MAG: variants seen among roughly 807,000 people sequenced by gnomAD.
MAG encodes the protein myelin-associated glycoprotein.
In MAG, 30 loss-of-function variants were observed where a neutral mutation model predicts 60.7. The ratio of observed to expected loss-of-function variants is 0.49; its 90% CI spans 0.37 to 0.67. MAG has a LOEUF of 0.67. Ranked by LOEUF, MAG falls within the 30% of genes least tolerant of loss-of-function variation. The pLI is 0.00. For synonymous variants in MAG, 384 were observed against 376.8 expected, an observed-to-expected ratio of 1.02 and a Z score of -0.22; for missense variants, 795 against 851.7, an observed-to-expected ratio of 0.93 and a Z score of 0.83.
chr19:35,309,807 A>G, intron 7 of MAG, 67 bp from the exon 8 acceptor site: 9 of 1,548,256 alleles, frequency 5.8e-6, no homozygotes, highest in Non-Finnish European at 7.9e-6. Context: ...CCTTGAGCCA[A>G]GGAGTCTCCG....
At chr19:35,296,056 C>G in intron 4 of MAG, 75 bp downstream of exon 4, 1 of 1,500,734 alleles carries the variant, frequency 6.7e-7, no homozygotes, top group Non-Finnish European at 8.9e-7. Context: ...GGAAGGCCTC[C>G]CCGCACCTTC....
chr19:35,292,253 G>T (rs1184439030), intron 1 of MAG, 49 bp downstream of exon 1: 1 of 456,114 alleles, frequency 2.2e-6, no homozygotes, highest in East Asian at 6.9e-5. Flanking sequence ...GGGCACCGGG[G>T]CAGTGGCACC....
At chr19:35,301,752 G>C (rs1338575892) in intron 6 of MAG, among the ~76,000 whole-genome samples, 6 of 152,048 alleles carry the variant, frequency 3.9e-5, no homozygotes, top group Non-Finnish European at 7.4e-5. Context: ...TTTTAGTAGA[G>C]ACAGGGTTTC....
intron 7 of MAG, among the ~76,000 whole-genome samples, chr19:35,308,407 C>A (rs1599657249): frequency 6.6e-6 from 1 of 152,294 alleles, no homozygotes; most frequent in Middle Eastern, 3.4e-3. Flanking sequence ...TGTGGTCAGG[C>A]AGGGCCTGAG....
At chr19:35,303,333 C>T (rs2066462532) in intron 7 of MAG, among the ~76,000 whole-genome samples, 1 of 152,164 alleles carries the variant, frequency 6.6e-6, no homozygotes, top group Non-Finnish European at 1.5e-5. Flanking sequence ...TCGCTATGTA[C>T]CAGGCACTGT....
chr19:35,299,579 A>C lies in MAG; in HGVS notation c.441A>C (p.Pro147=). 2 of 1,601,000 alleles carry C rather than the reference A, an allele frequency of 1.2e-6. No individual in the cohort carries two copies. Among genetic ancestry groups the C allele is most frequent in the Non-Finnish European group, 1.7e-6 (2 of 1,170,964 alleles). ...ACACCCCCAACATCGTGGTGCCCCC[A>C]GAGGTGGTGGCAGGCACGGAGGTGG... ...IVNTPNIVVP[P]EVVAGTEVEV... Residue 147 remains proline (P), a synonymous_variant, in exon 5 of 11, where the codon CCA becomes CCC. Transcript: ENST00000392213.
chr19:35,297,575 G>C (rs556172668), intron 4 of MAG, among the ~76,000 whole-genome samples: 4 of 80,286 alleles, frequency 5.0e-5, no homozygotes, highest in African/African-American at 1.5e-4. Context: ...TACTACCCAC[G>C]TACCACACAC....
rs560337077 is a variant in MAG, at chr19:35,311,455, C to A, written c.1617-463C>A. 9.2e-5 allele frequency among the ~76,000 whole-genome samples: 14 copies of A among 152,188 alleles called. 1 individual carries two copies. The South Asian group carries it at 2.9e-3, about 32-fold the overall frequency. On this transcript the variant is annotated intron_variant, in intron 9 of 10. Coordinates refer to ENST00000392213, the MANE Select transcript of MAG (RefSeq NM_002361.4). ...CTCCAGCCTAGGTGACAAAGAGAGACCCTGTCTCTAAAAACAAACAAACAG... is the reference window on the plus strand; with the variant it reads ...CTCCAGCCTAGGTGACAAAGAGAGAACCTGTCTCTAAAAACAAACAAACAG...
intron 7 of MAG, among the ~76,000 whole-genome samples, chr19:35,303,173 C>T (rs2066461316): frequency 6.6e-6 from 1 of 152,222 alleles, no homozygotes; most frequent in African/African-American, 2.4e-5. Flanking sequence ...ATCTGCCTGC[C>T]TCAGTCTCCC....
intron 7 of MAG, among the ~76,000 whole-genome samples, chr19:35,308,453 G>A (rs1457314360): frequency 6.6e-6 from 1 of 152,216 alleles, no homozygotes; most frequent in Non-Finnish European, 1.5e-5. Flanking sequence ...ATTTTGGGCT[G>A]GGCACAGTGG....
Position 35,295,721 on chromosome 19 carries a change from C to T in MAG, c.155C>T (p.Pro52Leu), listed in dbSNP as rs2066391895. The T allele has an allele frequency of 6.2e-7, 1 of 1,613,720 alleles. No homozygotes were observed. Among genetic ancestry groups the T allele is most frequent in the Non-Finnish European group, 8.5e-7 (1 of 1,180,026 alleles). ...TTTGACTTCCCGGATGAGCTGCGGC[C>T]CGCTGTGGTGCATGGTGTCTGGTAC... ...CRFDFPDELR[P>L]AVVHGVWYFN... Residue 52 changes from proline to leucine, a missense_variant, in exon 4 of 11, where the codon CCC (proline) becomes CTC (leucine). Coordinates refer to ENST00000392213, the MANE Select transcript of MAG (RefSeq NM_002361.4). The surrounding 1 kb of genome is among the most constrained non-coding windows in gnomAD (Gnocchi z 5.8).
intron 9 of MAG, 97 bp downstream of exon 9, chr19:35,310,740 A>G (rs543427177): frequency 4.0e-6 from 4 of 996,806 alleles, no homozygotes; most frequent in African/African-American, 1.6e-5. Flanking sequence ...AGGCAGCACC[A>G]TAAGTGTAGA....
rs34074779 is a variant in MAG, at chr19:35,302,642, G to A, written c.1165G>A (p.Glu389Lys). 6.2e-7 allele frequency: 1 copy of A among 1,614,194 alleles called. No homozygotes were observed. The change falls in exon 7 of 11, where the codon GAG becomes AAG. Residue 389 changes from glutamate (E) to lysine (K), a missense_variant. By Grantham distance (56) the Glu-to-Lys change is moderately conservative. Coordinates refer to ENST00000392213, the MANE Select transcript of MAG (RefSeq NM_002361.4). ...LPAVSPEDDG[E>K]YWCVAENQYG... Reference sequence around the variant, plus strand: ...GGCCGTGTCACCCGAGGATGATGGAGAGTACTGGTGTGTGGCTGAGAACCA... The same window carrying A: ...GGCCGTGTCACCCGAGGATGATGGAAAGTACTGGTGTGTGGCTGAGAACCA...
chr19:35,310,722 G>T, intron 9 of MAG, 79 bp downstream of exon 9: 1 of 1,249,816 alleles, frequency 8.0e-7, no homozygotes, highest in South Asian at 1.2e-5. Context: ...CCCAGAGTGG[G>T]TGGGGGAAGG....
At chr19:35,312,112 G>T (rs1349311223) in intron 10 of MAG, 95 bp downstream of exon 10, 10 of 1,332,640 alleles carry the variant, frequency 7.5e-6, no homozygotes, top group Non-Finnish European at 1.1e-5. Flanking sequence ...AGGGGAGTGG[G>T]AGCGGCCTCT....
chr19:35,310,759 AT>A, intron 9 of MAG, 116 bp downstream of exon 9: 1 of 847,040 alleles, frequency 1.2e-6, no homozygotes, highest in East Asian at 2.6e-5. Context: ...GAGAAGGCAG[AT>A]TCTGTTCTGG....
rs78787835 is a variant in MAG, at chr19:35,310,190, C to T, written c.1519+29C>T. 587 of 1,585,890 alleles carry T rather than the reference C, an allele frequency of 3.7e-4. 10 individuals are homozygous for T. In the East Asian group the frequency reaches 0.012, roughly 33 times the overall value. Reference sequence around the variant, plus strand: ...AGTGGCGTGGACTTGGGGTGGGAGCCACAGGAGGGAGCGGGCACGTCTTAG... The same window carrying T: ...AGTGGCGTGGACTTGGGGTGGGAGCTACAGGAGGGAGCGGGCACGTCTTAG... On this transcript the variant is annotated intron_variant, in intron 8 of 10. Transcript: ENST00000392213.
chr19:35,295,881 C>T lies in MAG; in HGVS notation c.315C>T (p.Ser105=), dbSNP rs1371891450. 1.2e-6 allele frequency: 2 copies of T among 1,614,074 alleles called. No individual in the cohort carries two copies. Among genetic ancestry groups the T allele is most frequent in the Admixed American group, 3.3e-5 (2 of 60,022 alleles). ...LGLRNCTLLL[S]NVSPELGGKY... ...TGCGAAACTGCACCCTCCTGCTCAG[C>T]AACGTCAGCCCCGAGCTGGGCGGGA... The change falls in exon 4 of 11, where the codon AGC becomes AGT. Residue 105 remains serine (S), a synonymous_variant. Coordinates refer to ENST00000392213, the MANE Select transcript of MAG (RefSeq NM_002361.4). This position sits in a 1 kb window ranked among gnomAD's most constrained non-coding sequence, Gnocchi z 5.8.
rs1180740954 is a variant in MAG at position 35,313,441 on chromosome 19, TC to T, written c.1870del (p.Arg624GlyfsTer13). 1.9e-6 allele frequency: 3 copies of T among 1,612,308 alleles called. No homozygotes were observed. The highest frequency in any genetic ancestry group is 2.5e-6 in the Non-Finnish European group (3 of 1,179,356). Reference protein sequence around the residue: ...LTEELAEYAEIRVK With the variant: ...LTEELAEYAEXRVK Reference sequence around the variant, plus strand: ...GAGGAGCTAGCTGAGTATGCTGAAATCCGGGTCAAGTGAAGGAGCTGGGGGC... The same window carrying T: ...GAGGAGCTAGCTGAGTATGCTGAAATCGGGTCAAGTGAAGGAGCTGGGGGC... On this transcript the variant is annotated frameshift_variant, in exon 11 of 11. Transcript: ENST00000392213. LOFTEE classifies it high-confidence loss of function.
Sources: gnomAD v4.1 joint callset for allele counts (sites outside exome capture counted in the v4.1 genomes callset) on GRCh38, gnomAD v4.1.1 for gene constraint, Gnocchi (gnomAD v3.1) non-coding constraint, MANE v1.5 for transcripts, NCBI Gene and HGNC (gene_info 2026-07-23, HGNC 2026-07-21) for gene names.